LHFPL3: variants seen among roughly 807,000 people sequenced by gnomAD.
LHFPL3 encodes LHFPL tetraspan subfamily member 3 protein.
LHFPL3 carries 5 observed loss-of-function variants against 19.3 expected under a neutral mutation model. The ratio of observed to expected loss-of-function variants is 0.26; its 90% CI spans 0.14 to 0.54. The LOEUF is 0.54. Among genes scored for constraint, LHFPL3 ranks in the 20% least tolerant of loss-of-function variants. The probability of loss-of-function intolerance (pLI) is 0.94; values close to 1 mark genes in which losing one functional copy is unlikely to be tolerated. For missense variants in LHFPL3, 249 were observed against 307.4 expected (o/e 0.81, Z 1.42); for synonymous variants, 133 against 126.2 (o/e 1.05, Z -0.36).
At chr7:104,558,926 T>C (rs1157440205) in intron 1 of LHFPL3, among the ~76,000 whole-genome samples, 30 of 147,262 alleles carry the variant, frequency 2.0e-4, no homozygotes, top group South Asian at 4.2e-4. Context: ...GCACCATTTA[T>C]TAAATAGGGA....
chr7:104,413,034 T>G (rs940262395), intron 1 of LHFPL3, among the ~76,000 whole-genome samples: 1 of 152,212 alleles, frequency 6.6e-6, no homozygotes, highest in South Asian at 2.1e-4. Flanking sequence ...AACCTGCTCC[T>G]TATCCATATA....
chr7:104,803,833 C>G (rs1790302236), intron 2 of LHFPL3: 1 of 152,164 alleles, frequency 6.6e-6, no homozygotes, highest in African/African-American at 2.4e-5. Context: ...TTACACGAAC[C>G]AGATGTGCCT....
At chr7:104,833,031 T>TTA (rs375524739) in intron 2 of LHFPL3, among the ~76,000 whole-genome samples, 1 of 4,564 alleles carries the variant, frequency 2.2e-4, no homozygotes, top group Non-Finnish European at 9.7e-4. Flanking sequence ...AATAGATATA[T>TTA]TATATATATA....
chr7:104,743,527 C>T (rs1793975724), intron 2 of LHFPL3, among the ~76,000 whole-genome samples: 1 of 152,210 alleles, frequency 6.6e-6, no homozygotes, highest in African/African-American at 2.4e-5. Flanking sequence ...CTGCCTCCTA[C>T]ATAGATTTGA....
intron 1 of LHFPL3, among the ~76,000 whole-genome samples, chr7:104,345,884 T>C (rs928296830): frequency 1.3e-5 from 2 of 152,178 alleles, no homozygotes; most frequent in Non-Finnish European, 1.5e-5. Flanking sequence ...TCTTTACCAC[T>C]AGTGGTCAGT....
At chr7:104,554,845 C>T (rs1794733228) in intron 1 of LHFPL3, among the ~76,000 whole-genome samples, 1 of 152,226 alleles carries the variant, frequency 6.6e-6, no homozygotes, top group Non-Finnish European at 1.5e-5. Context: ...AATGGTATAA[C>T]TCTCAGTCCA....
intron 1 of LHFPL3, among the ~76,000 whole-genome samples, chr7:104,540,962 T>C (rs994079709): frequency 1.3e-5 from 2 of 152,212 alleles, no homozygotes; most frequent in Non-Finnish European, 2.9e-5. Context: ...TCATGGCTTC[T>C]TCCAGTTGTA....
At chr7:104,869,292 G>A (rs968332959) in intron 2 of LHFPL3, among the ~76,000 whole-genome samples, 1 of 152,086 alleles carries the variant, frequency 6.6e-6, no homozygotes, top group Non-Finnish European at 1.5e-5. Context: ...TACCATCAGG[G>A]TAAACAGGGA....
intron 1 of LHFPL3, among the ~76,000 whole-genome samples, chr7:104,390,170 C>G (rs557951044): frequency 7.6e-6 from 1 of 132,120 alleles, no homozygotes; most frequent in Non-Finnish European, 1.7e-5. Context: ...AAAAGACTAA[C>G]AACCCAATTT....
Position 104,736,725 on chromosome 7 carries a change from G to C in LHFPL3, c.496G>C (p.Asp166His), listed in dbSNP as rs1291997187. Residue 166 changes from aspartate (D) to histidine (H), a missense_variant, in exon 2 of 3, where the codon GAT becomes CAT. By Grantham distance (81) the Asp-to-His change is moderately conservative. Transcript: ENST00000424859. ...CMIFPDGWDS[D>H]EVKRMCGEKT... Reference sequence around the variant, plus strand: ...GATTTTCCCTGATGGCTGGGACTCAGATGAAGTAAAACGGATGTGTGGAGA... The same window carrying C: ...GATTTTCCCTGATGGCTGGGACTCACATGAAGTAAAACGGATGTGTGGAGA... 5.6e-6 allele frequency: 9 copies of C among 1,613,724 alleles called. No individual in the cohort carries two copies. The highest frequency in any genetic ancestry group is 4.2e-6 in the Non-Finnish European group (5 of 1,179,822).
At chr7:104,723,722 CAAAAAAAAAA>C (rs1167618176) in intron 1 of LHFPL3, among the ~76,000 whole-genome samples, 13 of 46,932 alleles carry the variant, frequency 2.8e-4, no homozygotes, top group Non-Finnish European at 4.2e-4. Flanking sequence ...ACTATGTCTC[CAAAAAAAAAA>C]AAAAAAAAAA....
intron 1 of LHFPL3, among the ~76,000 whole-genome samples, chr7:104,649,084 A>G (rs564051244): frequency 1.3e-5 from 2 of 152,352 alleles, no homozygotes; most frequent in Non-Finnish European, 2.9e-5. Context: ...CTCAGCTAAC[A>G]TCATGATCCA....
chr7:104,436,381 T>C (rs1792106294), intron 1 of LHFPL3, among the ~76,000 whole-genome samples: 1 of 152,140 alleles, frequency 6.6e-6, no homozygotes, highest in Non-Finnish European at 1.5e-5. Context: ...AAGAAACTGA[T>C]CATCACAGAG....
intron 1 of LHFPL3, among the ~76,000 whole-genome samples, chr7:104,568,341 C>T (rs544509596): frequency 2.4e-4 from 36 of 152,338 alleles, no homozygotes; most frequent in African/African-American, 8.4e-4. Flanking sequence ...TCATCTTCCT[C>T]ACCAAATTAT....
intron 2 of LHFPL3, among the ~76,000 whole-genome samples, chr7:104,868,687 G>A (rs1413420562): frequency 6.6e-6 from 1 of 152,236 alleles, no homozygotes; most frequent in East Asian, 1.9e-4. Flanking sequence ...TCCCCATCAA[G>A]CTACCAATGA....
intron 1 of LHFPL3, among the ~76,000 whole-genome samples, chr7:104,639,787 G>C (rs1791795846): frequency 6.6e-6 from 1 of 152,146 alleles, no homozygotes; most frequent in African/African-American, 2.4e-5. Flanking sequence ...ATTCATGTGG[G>C]TTGATAATTT....
At chr7:104,499,045 C>G (rs1256483506) in intron 1 of LHFPL3, among the ~76,000 whole-genome samples, 2 of 152,100 alleles carry the variant, frequency 1.3e-5, no homozygotes, top group African/African-American at 2.4e-5. Context: ...TAAACTCATT[C>G]ATAAAAATGA....
At chr7:104,673,633 C>G (rs1281099926) in intron 1 of LHFPL3, among the ~76,000 whole-genome samples, 1 of 152,120 alleles carries the variant, frequency 6.6e-6, no homozygotes, top group African/African-American at 2.4e-5. Context: ...AATAGGCATG[C>G]AAGTATGGAA....
chr7:104,437,243 A>C (rs1400354448), intron 1 of LHFPL3, among the ~76,000 whole-genome samples: 1 of 152,222 alleles, frequency 6.6e-6, no homozygotes, highest in Non-Finnish European at 1.5e-5. Context: ...ATCTTATTTG[A>C]AACTATTGTG....
Sources: allele counts gnomAD v4.1 joint callset (sites outside exome capture counted in the v4.1 genomes callset), GRCh38; gene constraint gnomAD v4.1.1; transcripts MANE v1.5; gene names NCBI Gene and HGNC (gene_info 2026-07-23, HGNC 2026-07-21).